Variants in NHSL2 observed in about 807,000 individuals in gnomAD.
The protein encoded by NHSL2 is NHS like 2, also known as NHS-like protein 2.
NHSL2 carries 27 observed loss-of-function variants against 53.4 expected under a neutral mutation model. That is an observed-to-expected ratio of 0.51 (90% CI 0.37 to 0.70). The LOEUF is 0.70. NHSL2 is among the 30% of genes least tolerant of loss of function. NHSL2 has a pLI of 0.00. For synonymous variants in NHSL2, 408 were observed against 404.1 expected (o/e 1.01, Z -0.12); for missense variants, 892 against 980.1 (o/e 0.91, Z 1.20).
chrX:72,035,326 T>C (rs1013410812), intron 1 of NHSL2, among the ~76,000 whole-genome samples: 2 of 91,746 alleles, frequency 2.2e-5, no homozygotes, highest in Non-Finnish European at 4.6e-5. Context: ...ATGTTCCATG[T>C]GTATTCTGCT....
chrX:72,138,333 C>A, intron 5 of NHSL2, 108 bp from the exon 6 acceptor site: 1 of 580,276 alleles, frequency 1.7e-6, no homozygotes, highest in Non-Finnish European at 2.7e-6. Context: ...GAATTCTGAC[C>A]AAGCTGTTGG....
At position 72,152,992 on chromosome X, in the gene NHSL2, C is replaced by G. The variant is rs978452075; in HGVS notation, c.*9418C>G. On this transcript the variant is annotated 3_prime_UTR_variant, in exon 8 of 8. Transcript: ENST00000633930. ...AATAAGGGAGACAAGAATTTACAGA[C>G]CATACCCTAAACTGGAAGGTACAGG... The G allele has an allele frequency of 2.7e-5, 3 of 111,993 alleles. No individual in the cohort carries two copies. Among genetic ancestry groups the G allele is most frequent in the Non-Finnish European group, 3.8e-5 (2 of 53,218 alleles). The allele number at this position is 111,993 out of a possible 1,213,427, so 9.2% of individuals were successfully genotyped here.
At chrX:72,033,481 G>A (rs1351133934) in intron 1 of NHSL2, among the ~76,000 whole-genome samples, 1 of 112,077 alleles carries the variant, frequency 8.9e-6, no homozygotes, top group Non-Finnish European at 1.9e-5. Context: ...CACCGTGCCC[G>A]GCCTCTGAAT....
chrX:72,138,373 C>G, intron 5 of NHSL2, 68 bp from the exon 6 acceptor site: 1 of 927,767 alleles, frequency 1.1e-6, no homozygotes, highest in Non-Finnish European at 1.4e-6. Context: ...AGTTGGTGCT[C>G]CTGTCTCAAA....
intron 1 of NHSL2, among the ~76,000 whole-genome samples, chrX:72,013,152 T>C (rs2042122455): frequency 8.9e-6 from 1 of 112,529 alleles, no homozygotes; most frequent in African/African-American, 3.2e-5. Context: ...CTATGTTAAG[T>C]CTTCTGATCC....
chrX:72,134,028 T>C (rs771696987), intron 2 of NHSL2, 63 bp from the exon 3 acceptor site: 43 of 1,119,790 alleles, frequency 3.8e-5, no homozygotes, highest in Non-Finnish European at 4.8e-5. Flanking sequence ...TCATGGCCCT[T>C]CCCCGGCCCA....
chrX:72,089,473 C>T (rs1486688415), intron 1 of NHSL2, among the ~76,000 whole-genome samples: 1 of 110,640 alleles, frequency 9.0e-6, no homozygotes, highest in East Asian at 2.8e-4. Flanking sequence ...GGGTCTATAG[C>T]GTGAGTGAAA....
At chrX:72,064,631 A>T (rs975180067) in intron 1 of NHSL2, among the ~76,000 whole-genome samples, 3 of 111,838 alleles carry the variant, frequency 2.7e-5, no homozygotes, top group African/African-American at 6.5e-5. Flanking sequence ...ATCCCTGAGT[A>T]CAGAGGGGTA....
In NHSL2 at chrX:72,140,666, G is replaced by A; in HGVS notation, c.3118G>A (p.Glu1040Lys). 8.3e-7 allele frequency: 1 copy of A among 1,211,480 alleles called. No homozygotes were observed. Among genetic ancestry groups the A allele is most frequent in the African/African-American group, 1.7e-5 (1 of 57,957 alleles). Reference protein sequence around the residue: ...RLPLSPIITLEEDTKCPATGD... With the variant: ...RLPLSPIITLKEDTKCPATGD... ...GCCTCTCAGCCCCATCATCACCCTG[G>A]AGGAAGACACCAAGTGTCCCGCCAC... The change falls in exon 6 of 8, where the codon GAG becomes AAG. Residue 1040 changes from glutamate to lysine, a missense_variant. Coordinates refer to ENST00000633930, the MANE Select transcript of NHSL2 (RefSeq NM_001013627.3).
intron 1 of NHSL2, among the ~76,000 whole-genome samples, chrX:71,964,009 ATG>A (rs1324207735): frequency 7.3e-4 from 28 of 38,516 alleles, no homozygotes; most frequent in South Asian, 2.0e-3. Flanking sequence ...ACATATATAT[ATG>A]TATATATATA....
intron 1 of NHSL2, among the ~76,000 whole-genome samples, chrX:72,106,255 C>CAT (rs1276248805): frequency 5.4e-5 from 6 of 110,403 alleles, no homozygotes; most frequent in Non-Finnish European, 1.1e-4. Flanking sequence ...CCTCATTACA[C>CAT]ACACACACAC....
Position 72,147,919 on chromosome X carries a change from G to C in NHSL2, c.*4345G>C, listed in dbSNP as rs2042476357. Reference sequence around the variant, plus strand: ...TGAAGTTCTACTTGCAGAATGTTAGGCATCAACTAGTTGTAGAAGTGTATT... The same window carrying C: ...TGAAGTTCTACTTGCAGAATGTTAGCCATCAACTAGTTGTAGAAGTGTATT... On this transcript the variant is annotated 3_prime_UTR_variant, in exon 8 of 8. Coordinates refer to ENST00000633930, the MANE Select transcript of NHSL2 (RefSeq NM_001013627.3). 8.9e-6 allele frequency: 1 copy of C among 112,491 alleles called. No homozygotes were observed. The highest frequency in any genetic ancestry group is 1.9e-5 in the Non-Finnish European group (1 of 53,344). 9.3% of individuals were successfully genotyped at this position (112,491 alleles called of 1,213,427 possible).
intron 1 of NHSL2, among the ~76,000 whole-genome samples, chrX:72,046,453 T>C (rs1161161083): frequency 8.9e-6 from 1 of 112,445 alleles, no homozygotes; most frequent in African/African-American, 3.2e-5. Flanking sequence ...TGAGGGCTGA[T>C]ATGAGAGCAA....
chrX:71,928,987 A>T lies in NHSL2; in HGVS notation c.280+17620A>T, dbSNP rs752294612. Among the ~76,000 whole-genome samples the T allele has an allele frequency of 3.6e-5, 4 of 111,627 alleles. No homozygotes were observed. In the East Asian group the frequency reaches 1.1e-3, roughly 32 times the overall value. ...AAGTCTTCTTCGGAACTTGATTCCA[A>T]GTTTTCTTCTGCTTAACTCCCCATA... On this transcript the variant is annotated intron_variant, in intron 1 of 7. Coordinates refer to ENST00000633930, the MANE Select transcript of NHSL2 (RefSeq NM_001013627.3).
At position 72,144,360 on chromosome X, in the gene NHSL2, C is replaced by T. The variant is rs1436997001; in HGVS notation, c.*786C>T. On this transcript the variant is annotated 3_prime_UTR_variant, in exon 8 of 8. Coordinates refer to ENST00000633930, the MANE Select transcript of NHSL2 (RefSeq NM_001013627.3). The stretch of plus-strand genomic sequence containing the variant: ...AGCCATTTGTTCACTCAGATCTAGC[C>T]GAGGTAACTCACAAGTGCACCTTGA... 8 of 321,777 alleles carry T rather than the reference C, an allele frequency of 2.5e-5. No homozygotes were observed. The highest frequency in any genetic ancestry group is 9.3e-5 in the East Asian group (1 of 10,808). The allele number at this position is 321,777 out of a possible 1,213,427, so 26.5% of individuals were successfully genotyped here. A position where few individuals can be genotyped will look rare whatever the true frequency, so the allele number is the denominator to read the frequency against.
At chrX:71,993,395 T>G (rs894683310) in intron 1 of NHSL2, among the ~76,000 whole-genome samples, 40 of 112,036 alleles carry the variant, frequency 3.6e-4, no homozygotes, top group African/African-American at 1.1e-3. Flanking sequence ...GGGGTTGCTG[T>G]TCTCTATCTT....
chrX:71,964,009 A>ATATATATGTATATACATATATATATG (rs1556312250), intron 1 of NHSL2, among the ~76,000 whole-genome samples: 1 of 38,524 alleles, frequency 2.6e-5, no homozygotes, highest in African/African-American at 1.2e-4. Flanking sequence ...ACATATATAT[A>ATATATATGTATATACATATATATATG]TGTATATATA....
At chrX:72,058,813 C>T (rs748589344) in intron 1 of NHSL2, among the ~76,000 whole-genome samples, 1 of 112,296 alleles carries the variant, frequency 8.9e-6, no homozygotes, top group South Asian at 3.7e-4. Flanking sequence ...CTTTGTCCAT[C>T]ACATTGCAGG....
intron 1 of NHSL2, among the ~76,000 whole-genome samples, chrX:72,109,790 G>A (rs1252607333): frequency 1.8e-5 from 2 of 111,512 alleles, no homozygotes; most frequent in African/African-American, 6.5e-5. Flanking sequence ...CATTGAGAAA[G>A]GCTGGGGCTC....
Sources: allele counts gnomAD v4.1 joint callset (sites outside exome capture counted in the v4.1 genomes callset), GRCh38; gene constraint gnomAD v4.1.1; transcripts MANE v1.5; gene names NCBI Gene and HGNC (gene_info 2026-07-23, HGNC 2026-07-21).